NSD3: variants seen among roughly 807,000 people sequenced by gnomAD.
NSD3 encodes the protein nuclear receptor binding SET domain protein 3, also known as histone-lysine N-methyltransferase NSD3.
In NSD3, 24 loss-of-function variants were observed where a neutral mutation model predicts 160.8. The ratio of observed to expected loss-of-function variants is 0.15; its 90% confidence interval spans 0.11 to 0.21. The LOEUF is 0.21. Ranked by LOEUF, NSD3 falls within the 10% of genes least tolerant of loss-of-function variation. The probability of loss-of-function intolerance (pLI) is 1.00; values close to 1 mark genes in which losing one functional copy is unlikely to be tolerated. For synonymous variants in NSD3, 520 were observed against 600.0 expected (o/e 0.87, Z 1.95); for missense variants, 1,157 against 1,735.9 (o/e 0.67, Z 5.93).
Position 38,288,893 on chromosome 8 carries a change from G to C in NSD3, c.3232-137C>G. ...GGTTGTCTTTCCTGATGAATAAGCT[G>C]AGATTAATAACCATCTCTTTTGTCA... is the stretch of plus-strand genomic sequence containing the variant. On this transcript the variant is annotated intron_variant, in intron 18 of 23. Transcript: ENST00000317025. This position sits in a 1 kb window ranked among gnomAD's most constrained non-coding sequence, Gnocchi z 4.5. 9.3e-7 allele frequency: 1 copy of C among 1,074,992 alleles called. No homozygotes were observed. Among genetic ancestry groups the C allele is most frequent in the South Asian group, 1.6e-5 (1 of 61,012 alleles). 66.6% of individuals were successfully genotyped at this position (1,074,992 alleles called of 1,614,324 possible). A position where few individuals can be genotyped will look rare whatever the true frequency, so the allele number is the denominator to read the frequency against.
chr8:38,271,409 A>C lies in NSD3; in HGVS notation c.*4232T>G, dbSNP rs1332570329. 1.3e-5 allele frequency: 2 copies of C among 151,214 alleles called. No homozygotes were observed. The highest frequency in any genetic ancestry group is 3.0e-5 in the Non-Finnish European group (2 of 67,742). The allele number at this position is 151,214 out of a possible 1,614,324, so 9.4% of individuals were successfully genotyped here. A position where few individuals can be genotyped will look rare whatever the true frequency, so the allele number is the denominator to read the frequency against. ...TGTGGTAAACATTATCCCCCCCCTTACCCTTTACCAGGAGAAAGGGGGTTC... is the reference window on the plus strand; with the variant it reads ...TGTGGTAAACATTATCCCCCCCCTTCCCCTTTACCAGGAGAAAGGGGGTTC... On this transcript the variant is annotated 3_prime_UTR_variant, in exon 24 of 24. Transcript: ENST00000317025.
intron 14 of NSD3, among the ~76,000 whole-genome samples, chr8:38,300,889 C>G (rs1270777643): frequency 6.6e-6 from 1 of 152,210 alleles, no homozygotes; most frequent in East Asian, 1.9e-4. Flanking sequence ...TCTTCATACT[C>G]TACACTGAGA....
At chr8:38,327,077 T>G (rs999207434) in intron 6 of NSD3, among the ~76,000 whole-genome samples, 3 of 151,788 alleles carry the variant, frequency 2.0e-5, no homozygotes, top group Non-Finnish European at 2.9e-5. Flanking sequence ...TGAGAAGAAG[T>G]CTCCCTCTGT....
chr8:38,333,869 G>A (rs549156179), intron 4 of NSD3, among the ~76,000 whole-genome samples: 4 of 151,700 alleles, frequency 2.6e-5, no homozygotes, highest in Non-Finnish European at 1.5e-5. Context: ...GCGAGACTCC[G>A]TCTCAAAAAA....
intron 1 of NSD3, among the ~76,000 whole-genome samples, chr8:38,358,983 A>G (rs1340350079): frequency 2.0e-5 from 3 of 152,016 alleles, no homozygotes; most frequent in Admixed American, 1.3e-4. Context: ...GAAACCAGAA[A>G]CTCTACAAAG....
Position 38,276,371 on chromosome 8 carries a change from G to A in NSD3, c.3997C>T (p.Leu1333=), listed in dbSNP as rs1409634484. The change falls in exon 23 of 24, where the codon CTG becomes TTG. Residue 1333 remains leucine, a synonymous_variant. Coordinates refer to ENST00000317025, the MANE Select transcript of NSD3 (RefSeq NM_023034.2). Reference sequence around the variant, plus strand: ...CAGTCTTTTTTGTCACACATGACCAGCTCTCCACCATCTCCACATTGAAAA... The same window carrying A: ...CAGTCTTTTTTGTCACACATGACCAACTCTCCACCATCTCCACATTGAAAA... ...YCFQCGDGGE[L]VMCDKKDCPK... 6.2e-7 allele frequency: 1 copy of A among 1,614,192 alleles called. No individual in the cohort carries two copies. Among genetic ancestry groups the A allele is most frequent in the Admixed American group, 1.7e-5 (1 of 60,014 alleles).
At chr8:38,293,512 T>G (rs906025078) in intron 16 of NSD3, among the ~76,000 whole-genome samples, 3 of 151,616 alleles carry the variant, frequency 2.0e-5, no homozygotes, top group Admixed American at 2.0e-4. Context: ...ATCACACCAC[T>G]GCACTCCAGC....
chr8:38,379,059 C>G (rs2150399257), intron 1 of NSD3, among the ~76,000 whole-genome samples: 1 of 151,740 alleles, frequency 6.6e-6, no homozygotes, highest in Middle Eastern at 3.4e-3. Flanking sequence ...CTCATTCAAT[C>G]TGATCAGTGT....
intron 4 of NSD3, among the ~76,000 whole-genome samples, chr8:38,333,407 G>A (rs189486730): frequency 1.3e-5 from 2 of 152,288 alleles, no homozygotes; most frequent in African/African-American, 4.8e-5. Context: ...AAGCACATCT[G>A]TCTCTGACTG....
At chr8:38,276,581 C>A in intron 22 of NSD3, 81 bp from the exon 23 acceptor site, 1 of 1,457,700 alleles carries the variant, frequency 6.9e-7, no homozygotes, top group Non-Finnish European at 9.4e-7. Context: ...TGCAACCTTG[C>A]ATTCATTTAA....
chr8:38,331,340 T>C (rs1234781923), intron 5 of NSD3, 91 bp downstream of exon 5: 2 of 1,357,886 alleles, frequency 1.5e-6, no homozygotes, highest in African/African-American at 3.0e-5. Flanking sequence ...AGGATTCTAA[T>C]AATTATCTGA....
chr8:38,340,935 G>T (rs902206211), intron 2 of NSD3, among the ~76,000 whole-genome samples: 1 of 152,066 alleles, frequency 6.6e-6, no homozygotes, highest in African/African-American at 2.4e-5. Context: ...GGCCAAGGTG[G>T]AATGATCTCT....
rs944757397 is a variant in NSD3 at position 38,355,759 on chromosome 8, T to A, written c.-44-7544A>T. Among the ~76,000 whole-genome samples the A allele has an allele frequency of 2.6e-5, 4 of 152,232 alleles. No homozygotes were observed. The South Asian group carries it at 6.2e-4, about 24-fold the overall frequency. On this transcript the variant is annotated intron_variant, in intron 1 of 23. Transcript: ENST00000317025. ...TTCAATTTATTTTTAAAGCAATAATTTTAATGGCTAACATTTGAGAGCTTA... is the reference window on the plus strand; with the variant it reads ...TTCAATTTATTTTTAAAGCAATAATATTAATGGCTAACATTTGAGAGCTTA...
At chr8:38,312,012 A>G (rs1047888121) in intron 12 of NSD3, among the ~76,000 whole-genome samples, 2 of 152,174 alleles carry the variant, frequency 1.3e-5, no homozygotes, top group African/African-American at 4.8e-5. Flanking sequence ...ACAGGCATAT[A>G]TCCAACTCTT....
In NSD3 at chr8:38,316,852, A is replaced by AGG; in HGVS notation, c.1856-811_1856-810insCC. 2 of 1,062,768 alleles carry AGG rather than the reference A, an allele frequency of 1.9e-6. No individual in the cohort carries two copies. Among genetic ancestry groups the AGG allele is most frequent in the Non-Finnish European group, 2.3e-6 (2 of 877,500 alleles). 65.8% of individuals were successfully genotyped at this position (1,062,768 alleles called of 1,614,324 possible). A position where few individuals can be genotyped will look rare whatever the true frequency, so the allele number is the denominator to read the frequency against. ...GTGTAATACAAATCCAGCCAAAACAATAGTGCAAAAAGTTACAAAGCAACA... is the reference window on the plus strand; with the variant it reads ...GTGTAATACAAATCCAGCCAAAACAAGGTAGTGCAAAAAGTTACAAAGCAACA... On this transcript the variant is annotated intron_variant, in intron 9 of 23. Coordinates refer to ENST00000317025, the MANE Select transcript of NSD3 (RefSeq NM_023034.2). This position sits in a 1 kb window ranked among gnomAD's most constrained non-coding sequence, Gnocchi z 4.5.
chr8:38,341,838 C>T lies in NSD3; in HGVS notation c.676-3231G>A, dbSNP rs192250100. On this transcript the variant is annotated intron_variant, in intron 2 of 23. Transcript: ENST00000317025. ...GTGTACCTATATACTCCCAGCTACT[C>T]GGGAGGCTAAGGTGGGAGGATTGTT... 1.9e-4 allele frequency among the ~76,000 whole-genome samples: 29 copies of T among 151,344 alleles called. No individual in the cohort carries two copies. In the East Asian group the frequency reaches 5.1e-3, roughly 27 times the overall value.
At chr8:38,371,172 T>C (rs1811236514) in intron 1 of NSD3, among the ~76,000 whole-genome samples, 1 of 152,004 alleles carries the variant, frequency 6.6e-6, no homozygotes, top group Non-Finnish European at 1.5e-5. Context: ...AAAAAATACA[T>C]ATGAAAAAAT....
chr8:38,290,334 G>T, intron 17 of NSD3, 141 bp downstream of exon 17: 1 of 833,812 alleles, frequency 1.2e-6, no homozygotes, highest in Non-Finnish European at 2.0e-6. Context: ...TGGTTCTAAT[G>T]TGACTGGAAG....
At chr8:38,361,245 T>C (rs1210707015) in intron 1 of NSD3, among the ~76,000 whole-genome samples, 1 of 151,512 alleles carries the variant, frequency 6.6e-6, no homozygotes, top group African/African-American at 2.4e-5. Context: ...CCACCCACCT[T>C]GGCCTCCCAA....
Sources: gnomAD v4.1 joint callset for allele counts (sites outside exome capture counted in the v4.1 genomes callset) on GRCh38, gnomAD v4.1.1 for gene constraint, Gnocchi (gnomAD v3.1) non-coding constraint, MANE v1.5 for transcripts, NCBI Gene and HGNC (gene_info 2026-07-23, HGNC 2026-07-21) for gene names.